Variants in ADAMTSL1 observed in about 807,000 individuals in gnomAD.
ADAMTSL1 encodes ADAMTS like 1.
Under a neutral mutation model 201.8 loss-of-function variants are expected in ADAMTSL1, and 126 were observed. The observed-to-expected ratio is 0.62, with a 90% CI of 0.54 to 0.72. The LOEUF is 0.72. Ranked by LOEUF, ADAMTSL1 falls within the 30% of genes least tolerant of loss-of-function variation. The pLI is 0.00. For synonymous variants in ADAMTSL1, 1,121 were observed against 903.4 expected (o/e 1.24, Z -4.32); for missense variants, 2,679 against 2,277.8 (o/e 1.18, Z -3.59).
At chr9:18,765,401 T>G (rs1820300943) in intron 16 of ADAMTSL1, among the ~76,000 whole-genome samples, 1 of 151,034 alleles carries the variant, frequency 6.6e-6, no homozygotes, top group Middle Eastern at 3.2e-3. Context: ...AGTGGCTTGA[T>G]GTCGTTTTGA....
chr9:18,274,673 G>A lies in ADAMTSL1; in HGVS notation c.207+110692G>A, dbSNP rs551789009. Among the ~76,000 whole-genome samples, 23 of 152,174 alleles carry A rather than the reference G, an allele frequency of 1.5e-4. No individual in the cohort carries two copies. In the South Asian group the frequency reaches 4.8e-3, roughly 32 times the overall value. On this transcript the variant is annotated intron_variant, in intron 2 of 29. Coordinates refer to the ADAMTSL1 transcript ENST00000680146. ...TGCACAAAAACAGAGTTTGGAAAAG[G>A]CATGATTTTCAACCACTTTTTCTAG... is the stretch of plus-strand genomic sequence containing the variant.
At chr9:18,460,208 TATC>T (rs1294796346) in intron 2 of ADAMTSL1, among the ~76,000 whole-genome samples, 1 of 152,170 alleles carries the variant, frequency 6.6e-6, no homozygotes, top group Non-Finnish European at 1.5e-5. Flanking sequence ...CAAAAATATA[TATC>T]ATATTACATT....
At chr9:18,053,389 T>A (rs914615598) in intron 1 of ADAMTSL1, among the ~76,000 whole-genome samples, 3 of 152,326 alleles carry the variant, frequency 2.0e-5, no homozygotes, top group South Asian at 4.1e-4. Context: ...AAAAAAATGT[T>A]CATACTTTTT....
chr9:18,385,027 G>T (rs764388080), intron 2 of ADAMTSL1, among the ~76,000 whole-genome samples: 3 of 152,044 alleles, frequency 2.0e-5, no homozygotes, highest in Non-Finnish European at 2.9e-5. Flanking sequence ...CTCCTATAGT[G>T]CCAACTCCCT....
chr9:18,253,613 T>C (rs1831553879), intron 2 of ADAMTSL1, among the ~76,000 whole-genome samples: 1 of 152,186 alleles, frequency 6.6e-6, no homozygotes, highest in Non-Finnish European at 1.5e-5. Flanking sequence ...CACTGCTCTG[T>C]GGGCAAAGTC....
chr9:18,809,259 A>G (rs888118176), intron 20 of ADAMTSL1, among the ~76,000 whole-genome samples: 3 of 152,176 alleles, frequency 2.0e-5, no homozygotes, highest in Admixed American at 6.5e-5. Context: ...GTGGTTAGAA[A>G]AGGCCTCACT....
chr9:18,702,648 G>A (rs1831987482), intron 13 of ADAMTSL1, among the ~76,000 whole-genome samples: 1 of 152,068 alleles, frequency 6.6e-6, no homozygotes, highest in Non-Finnish European at 1.5e-5. Flanking sequence ...TTCCTGAGAA[G>A]GAAAGACTAA....
intron 3 of ADAMTSL1, among the ~76,000 whole-genome samples, chr9:18,538,812 A>G (rs1819954465): frequency 6.6e-6 from 1 of 152,200 alleles, no homozygotes; most frequent in Non-Finnish European, 1.5e-5. Context: ...TTTGTATATC[A>G]CAAAGTCAGG....
At chr9:18,509,442 A>T (rs1037994694) in intron 2 of ADAMTSL1, among the ~76,000 whole-genome samples, 1 of 152,076 alleles carries the variant, frequency 6.6e-6, no homozygotes, top group African/African-American at 2.4e-5. Flanking sequence ...CTGCATAAAA[A>T]CCACTAATCC....
chr9:18,824,263 C>G (rs1824397082), intron 21 of ADAMTSL1, among the ~76,000 whole-genome samples: 1 of 152,004 alleles, frequency 6.6e-6, no homozygotes, highest in African/African-American at 2.4e-5. Flanking sequence ...TGCTCTTGCT[C>G]TCCCTAGTGG....
chr9:18,639,542 A>G, intron 7 of ADAMTSL1, 131 bp downstream of exon 7: 2 of 1,063,264 alleles, frequency 1.9e-6, no homozygotes, highest in South Asian at 3.4e-5. Context: ...GGAAATGTTT[A>G]ATCTGAGGGT....
At chr9:18,867,825 AC>A (rs1222451502) in intron 23 of ADAMTSL1, among the ~76,000 whole-genome samples, 2 of 152,006 alleles carry the variant, frequency 1.3e-5, no homozygotes, top group African/African-American at 4.8e-5. Flanking sequence ...ATGGGGTTTC[AC>A]CATCTTGGCC....
intron 1 of ADAMTSL1, among the ~76,000 whole-genome samples, chr9:18,093,912 G>A (rs1824131384): frequency 6.6e-6 from 1 of 152,172 alleles, no homozygotes; most frequent in African/African-American, 2.4e-5. Context: ...GTGCAATGGA[G>A]CAACTCTAAG....
intron 16 of ADAMTSL1, 148 bp from the exon 17 acceptor site, chr9:18,770,454 A>T: frequency 1.2e-6 from 1 of 819,492 alleles, no homozygotes; most frequent in Non-Finnish European, 1.8e-6. Flanking sequence ...GAGAAGAAAC[A>T]AAATCCTTTG....
intron 2 of ADAMTSL1, among the ~76,000 whole-genome samples, chr9:18,427,387 A>G (rs1381579276): frequency 2.6e-5 from 4 of 152,242 alleles, no homozygotes; most frequent in Non-Finnish European, 1.5e-5. Context: ...GATGGGTAGA[A>G]AAACAGATTC....
At chr9:18,087,143 C>T (rs1823802758) in intron 1 of ADAMTSL1, among the ~76,000 whole-genome samples, 1 of 152,102 alleles carries the variant, frequency 6.6e-6, no homozygotes, top group Non-Finnish European at 1.5e-5. Context: ...TTTCATTTTT[C>T]TCATTTATCA....
chr9:18,694,061 C>T (rs964376115), intron 13 of ADAMTSL1, among the ~76,000 whole-genome samples: 3 of 152,088 alleles, frequency 2.0e-5, no homozygotes, highest in African/African-American at 7.2e-5. Context: ...CATGGCTAGA[C>T]AAGGAGGAAG....
At chr9:18,212,386 C>T (rs1479808290) in intron 2 of ADAMTSL1, among the ~76,000 whole-genome samples, 3 of 152,080 alleles carry the variant, frequency 2.0e-5, no homozygotes. Flanking sequence ...ACTGAAAAGG[C>T]TTAGGATAGA....
At position 17,952,551 on chromosome 9, in the gene ADAMTSL1, T is replaced by C. The variant is rs181052983; in HGVS notation, c.87+45629T>C. ...TATCTGTGCTTTGTAGTCTGCTGCATTGACTTAAAAAAAGTTCCTGCCTAG... is the reference window on the plus strand; with the variant it reads ...TATCTGTGCTTTGTAGTCTGCTGCACTGACTTAAAAAAAGTTCCTGCCTAG... On this transcript the variant is annotated intron_variant, in intron 1 of 29. Transcript: ENST00000680146. 8.5e-5 allele frequency among the ~76,000 whole-genome samples: 13 copies of C among 152,250 alleles called. No homozygotes were observed. In the East Asian group the frequency reaches 2.3e-3, roughly 27 times the overall value.
Sources: allele counts gnomAD v4.1 joint callset (sites outside exome capture counted in the v4.1 genomes callset), GRCh38; gene constraint gnomAD v4.1.1; transcripts MANE v1.5; gene names NCBI Gene and HGNC (gene_info 2026-07-23, HGNC 2026-07-21).